Variants in DLG2 observed in about 807,000 individuals in gnomAD.
DLG2 encodes the protein discs large MAGUK scaffold protein 2, also known as disks large homolog 2.
Under a neutral mutation model 132.5 loss-of-function variants are expected in DLG2, and 45 were observed. That is an observed-to-expected ratio of 0.34 (90% confidence interval 0.27 to 0.44). The LOEUF is 0.44. Ranked by LOEUF, DLG2 falls within the 20% of genes least tolerant of loss-of-function variation. The pLI is 1.00. For synonymous variants in DLG2, 424 were observed against 419.6 expected, an observed-to-expected ratio of 1.01 and a Z score of -0.13; for missense variants, 1,045 against 1,196.9, an observed-to-expected ratio of 0.87 and a Z score of 1.87.
chr11:84,461,141 C>T (rs1432846574), intron 7 of DLG2, among the ~76,000 whole-genome samples: 1 of 150,786 alleles, frequency 6.6e-6, no homozygotes, highest in Non-Finnish European at 1.5e-5. Context: ...ATTTTAATCC[C>T]TAAAGGTTAA....
At chr11:84,137,028 C>A (rs1433746457) in intron 9 of DLG2, among the ~76,000 whole-genome samples, 1 of 152,102 alleles carries the variant, frequency 6.6e-6, no homozygotes, top group Non-Finnish European at 1.5e-5. Context: ...CTCATTCTAA[C>A]CAGATTGTGG....
intron 6 of DLG2, among the ~76,000 whole-genome samples, chr11:85,101,745 C>T (rs1419032496): frequency 1.3e-5 from 2 of 152,022 alleles, no homozygotes; most frequent in East Asian, 3.9e-4. Flanking sequence ...GTCACGAAAC[C>T]ATCTCTGGGA....
At chr11:84,055,756 T>A (rs2096487413) in intron 11 of DLG2, among the ~76,000 whole-genome samples, 1 of 152,264 alleles carries the variant, frequency 6.6e-6, no homozygotes, top group Admixed American at 6.6e-5. Context: ...AACAATCTGT[T>A]ACATTTATTC....
chr11:84,839,617 C>A (rs4408338), intron 6 of DLG2, among the ~76,000 whole-genome samples: 126,709 of 152,088 alleles, frequency 0.83, 53,752 homozygotes, highest in Middle Eastern at 0.96. Flanking sequence ...CAGTAACCAA[C>A]ATAGCATGGT....
intron 6 of DLG2, among the ~76,000 whole-genome samples, chr11:84,823,580 TCCACACACACACACACACAC>T (rs2077959269): frequency 1.1e-5 from 1 of 94,480 alleles, no homozygotes; most frequent in African/African-American, 4.0e-5. Context: ...TGGTTGTATA[TCCACACACACACACACACAC>T]ACACACACAC....
At position 85,006,247 on chromosome 11, in the gene DLG2, T is replaced by C. The variant is rs539807862; in HGVS notation, c.357+105414A>G. On this transcript the variant is annotated intron_variant, in intron 6 of 27. Transcript: ENST00000376104. ...CAGGATGATGCTGTCCTCATAAAAT[T>C]AGTTAGAGAGAAGTCCTTCTTTTTC... Among the ~76,000 whole-genome samples, 5 of 152,276 alleles carry C rather than the reference T, an allele frequency of 3.3e-5. No homozygotes were observed. The East Asian group carries it at 9.6e-4, about 29-fold the overall frequency.
chr11:83,936,853 T>C (rs2081549263), intron 14 of DLG2, among the ~76,000 whole-genome samples: 1 of 152,146 alleles, frequency 6.6e-6, no homozygotes, highest in Non-Finnish European at 1.5e-5. Context: ...GTTTTTGGTA[T>C]TGGGTGAGGG....
intron 9 of DLG2, among the ~76,000 whole-genome samples, chr11:84,147,938 T>C (rs1238098116): frequency 6.6e-6 from 1 of 152,108 alleles, no homozygotes; most frequent in Non-Finnish European, 1.5e-5. Flanking sequence ...AGGAACTCTT[T>C]TAGGCATTCA....
intron 3 of DLG2, among the ~76,000 whole-genome samples, chr11:85,544,537 T>C (rs924132747): frequency 1.3e-5 from 2 of 152,196 alleles, no homozygotes; most frequent in African/African-American, 2.4e-5. Flanking sequence ...AAAAAGTCAA[T>C]GGTAGCTTGA....
chr11:83,770,274 C>CTTTTTTTTTTTTTTTTTTTTT (rs1594049476), intron 18 of DLG2, among the ~76,000 whole-genome samples: 44 of 108,616 alleles, frequency 4.1e-4, no homozygotes, highest in African/African-American at 9.5e-4. Context: ...TGTTTTTTTG[C>CTTTTTTTTTTTTTTTTTTTTT]TTTTTGTACA....
chr11:83,968,123 C>T (rs2090599474), intron 12 of DLG2, among the ~76,000 whole-genome samples: 1 of 152,172 alleles, frequency 6.6e-6, no homozygotes, highest in Non-Finnish European at 1.5e-5. Flanking sequence ...GTCCCAAAAG[C>T]ATTGGACTGA....
intron 10 of DLG2, among the ~76,000 whole-genome samples, chr11:84,084,758 C>A (rs1043421447): frequency 1.3e-5 from 2 of 152,068 alleles, no homozygotes; most frequent in African/African-American, 4.8e-5. Flanking sequence ...AATGATTGTA[C>A]ATTTTCTGGG....
chr11:84,963,569 A>G (rs1344932544), intron 6 of DLG2, among the ~76,000 whole-genome samples: 1 of 152,196 alleles, frequency 6.6e-6, no homozygotes, highest in East Asian at 1.9e-4. Context: ...TTATAGTGAA[A>G]GGGGAAATGT....
At chr11:83,513,299 TG>T (rs1215147590) in intron 21 of DLG2, among the ~76,000 whole-genome samples, 1 of 152,240 alleles carries the variant, frequency 6.6e-6, no homozygotes, top group Non-Finnish European at 1.5e-5. Context: ...CATTTTTTCA[TG>T]TGTCTGTTGG....
intron 6 of DLG2, among the ~76,000 whole-genome samples, chr11:85,008,438 T>C: frequency 6.6e-6 from 1 of 152,088 alleles, no homozygotes; most frequent in East Asian, 1.9e-4. Context: ...TTTTACAGGG[T>C]TCCTTGTAAG....
chr11:83,777,228 T>C (rs551474147), intron 18 of DLG2, among the ~76,000 whole-genome samples: 2 of 152,334 alleles, frequency 1.3e-5, no homozygotes, highest in South Asian at 4.1e-4. Context: ...GGGAACATGA[T>C]AAATGTGAGG....
chr11:84,454,656 A>G (rs1271387806), intron 7 of DLG2, among the ~76,000 whole-genome samples: 1 of 151,588 alleles, frequency 6.6e-6, no homozygotes, highest in African/African-American at 2.4e-5. Flanking sequence ...GCTCAGCAAT[A>G]AAAAGAACCA....
At chr11:83,896,217 CAATA>C (rs1318056255) in intron 15 of DLG2, among the ~76,000 whole-genome samples, 7 of 152,106 alleles carry the variant, frequency 4.6e-5, no homozygotes, top group African/African-American at 1.7e-4. Context: ...ATGAAAACGA[CAATA>C]AATAGATTCT....
intron 17 of DLG2, among the ~76,000 whole-genome samples, chr11:83,811,940 G>C (rs1019954524): frequency 6.6e-6 from 1 of 152,114 alleles, no homozygotes; most frequent in South Asian, 2.1e-4. Context: ...GTAGAAGTGT[G>C]AGAGAAAAAT....
Sources: allele counts gnomAD v4.1 joint callset (sites outside exome capture counted in the v4.1 genomes callset), GRCh38; gene constraint gnomAD v4.1.1; transcripts MANE v1.5; gene names NCBI Gene and HGNC (gene_info 2026-07-23, HGNC 2026-07-21).